Variants in ZFHX3 observed in about 807,000 individuals in gnomAD.
The protein encoded by ZFHX3 is zinc finger homeobox 3.
In ZFHX3, 42 loss-of-function variants were observed where a neutral mutation model predicts 279.1. The observed-to-expected ratio is 0.15, with a 90% CI of 0.12 to 0.19. The LOEUF (loss-of-function observed/expected upper bound fraction) is 0.19. ZFHX3 is among the 10% of genes least tolerant of loss of function. The pLI is 1.00. For synonymous variants in ZFHX3, 2,293 were observed against 1,957.8 expected, an observed-to-expected ratio of 1.17 and a Z score of -4.52; for missense variants, 4,981 against 4,754.0, an observed-to-expected ratio of 1.05 and a Z score of -1.40.
chr16:73,673,850 C>A (rs1228702140), intron 2 of ZFHX3, among the ~76,000 whole-genome samples: 1 of 152,090 alleles, frequency 6.6e-6, no homozygotes, highest in Non-Finnish European at 1.5e-5. Flanking sequence ...AGGAATTGAT[C>A]TAGAACGTAT....
At chr16:73,853,576 A>C (rs2142382161) in intron 1 of ZFHX3, among the ~76,000 whole-genome samples, 1 of 152,314 alleles carries the variant, frequency 6.6e-6, no homozygotes, top group African/African-American at 2.4e-5. Context: ...ACTAACTGAG[A>C]AACAGAAAAC....
intron 2 of ZFHX3, among the ~76,000 whole-genome samples, chr16:73,492,614 G>T (rs189996916): frequency 1.4e-4 from 21 of 152,174 alleles, no homozygotes; most frequent in African/African-American, 5.1e-4. Flanking sequence ...TGTAAAATGG[G>T]ACTAAAAGCC....
intron 2 of ZFHX3, among the ~76,000 whole-genome samples, chr16:73,523,252 T>C (rs2019637140): frequency 6.6e-6 from 1 of 152,214 alleles, no homozygotes; most frequent in South Asian, 2.1e-4. Context: ...GAAAGCTCTT[T>C]AGCAAAGAAC....
At chr16:73,177,744 T>G (rs560705495) in intron 5 of ZFHX3, among the ~76,000 whole-genome samples, 1 of 152,218 alleles carries the variant, frequency 6.6e-6, no homozygotes, top group Non-Finnish European at 1.5e-5. Context: ...GTTGATTGTG[T>G]TTCTACTACA....
At chr16:73,143,739 A>T (rs1429160611) in intron 6 of ZFHX3, 1 of 1,304,882 alleles carries the variant, frequency 7.7e-7, no homozygotes, top group South Asian at 1.2e-5. Context: ...GAAACAAGAA[A>T]GCTGGAACTC....
At chr16:73,164,021 G>A (rs920622297) in intron 5 of ZFHX3, among the ~76,000 whole-genome samples, 2 of 152,150 alleles carry the variant, frequency 1.3e-5, no homozygotes, top group Middle Eastern at 3.2e-3. Flanking sequence ...GCTGTAGGTG[G>A]AAAGCCTTGT....
chr16:73,302,417 C>A (rs2015077290), intron 4 of ZFHX3, among the ~76,000 whole-genome samples: 1 of 152,204 alleles, frequency 6.6e-6, no homozygotes, highest in African/African-American at 2.4e-5. Flanking sequence ...CTGGATATTC[C>A]TTCAGATGTC....
chr16:73,263,394 A>T (rs1011789131), intron 4 of ZFHX3, among the ~76,000 whole-genome samples: 4 of 152,110 alleles, frequency 2.6e-5, no homozygotes, highest in African/African-American at 7.2e-5. Flanking sequence ...ACAGTATGTT[A>T]CCCAGGCTGA....
chr16:73,317,357 C>A (rs1403429367), intron 4 of ZFHX3, among the ~76,000 whole-genome samples: 1 of 152,150 alleles, frequency 6.6e-6, no homozygotes. Flanking sequence ...CCCACTTGCA[C>A]CTGCTAATGT....
At chr16:73,531,567 T>A (rs1430192223) in intron 2 of ZFHX3, among the ~76,000 whole-genome samples, 1 of 151,686 alleles carries the variant, frequency 6.6e-6, no homozygotes, top group Non-Finnish European at 1.5e-5. Context: ...TTTCAAAAGT[T>A]AGCTGGGTAT....
chr16:73,506,444 C>T (rs1009584292), intron 2 of ZFHX3, among the ~76,000 whole-genome samples: 2 of 152,144 alleles, frequency 1.3e-5, no homozygotes, highest in Non-Finnish European at 2.9e-5. Context: ...GATCTCCTTC[C>T]CCTATTGAAT....
At chr16:72,974,383 G>A (rs926125345) in intron 1 of ZFHX3, among the ~76,000 whole-genome samples, 3 of 152,160 alleles carry the variant, frequency 2.0e-5, no homozygotes, top group African/African-American at 7.2e-5. Flanking sequence ...GGCCTTGGGC[G>A]AAGGAAAGTT....
intron 5 of ZFHX3, among the ~76,000 whole-genome samples, chr16:73,165,274 G>C (rs540698090): frequency 2.6e-5 from 4 of 152,186 alleles, no homozygotes; most frequent in Non-Finnish European, 5.9e-5. Flanking sequence ...ATTGGACTAA[G>C]TTAGTATATT....
At chr16:72,984,923 G>T (rs1028865574) in intron 1 of ZFHX3, among the ~76,000 whole-genome samples, 4 of 151,892 alleles carry the variant, frequency 2.6e-5, no homozygotes, top group Non-Finnish European at 4.4e-5. Context: ...ATATAAATAT[G>T]CATATATACC....
chr16:73,322,221 G>A (rs1045848584), intron 3 of ZFHX3, among the ~76,000 whole-genome samples: 1 of 151,972 alleles, frequency 6.6e-6, no homozygotes, highest in Non-Finnish European at 1.5e-5. Flanking sequence ...GGAGCCCAGA[G>A]GCAGATGAAA....
chr16:73,697,782 C>G (rs2053211111), intron 1 of ZFHX3, among the ~76,000 whole-genome samples: 1 of 152,024 alleles, frequency 6.6e-6, no homozygotes, highest in South Asian at 2.1e-4. Flanking sequence ...AGAAACAATT[C>G]TAAATCATTT....
intron 3 of ZFHX3, among the ~76,000 whole-genome samples, chr16:72,910,057 G>T (rs868323489): frequency 6.6e-6 from 1 of 151,984 alleles, no homozygotes; most frequent in Non-Finnish European, 1.5e-5. Context: ...TAACTTTCTC[G>T]TCAGTGTGCT....
At chr16:72,886,291 G>C (rs1300019481) in intron 4 of ZFHX3, among the ~76,000 whole-genome samples, 1 of 152,040 alleles carries the variant, frequency 6.6e-6, no homozygotes, top group Non-Finnish European at 1.5e-5. Context: ...GAGTAGGGGA[G>C]AGAGCAAAAA....
intron 7 of ZFHX3, among the ~76,000 whole-genome samples, chr16:72,810,306 C>T (rs2036404835): frequency 6.6e-6 from 1 of 152,226 alleles, no homozygotes; most frequent in Admixed American, 6.5e-5. Flanking sequence ...CTGCCTCAGC[C>T]TCCTTAGTAG....
Sources: gnomAD v4.1 joint callset for allele counts (sites outside exome capture counted in the v4.1 genomes callset) on GRCh38, gnomAD v4.1.1 for gene constraint, MANE v1.5 for transcripts, NCBI Gene and HGNC (gene_info 2026-07-23, HGNC 2026-07-21) for gene names.